The following SGCD variants were observed in gnomAD, a reference collection of about 807,000 sequenced individuals.
SGCD encodes the protein sarcoglycan delta, also known as delta-sarcoglycan.
A neutral mutation model predicts 36.6 loss-of-function variants in SGCD; 18 were observed. That is an observed-to-expected ratio of 0.49 (90% CI 0.34 to 0.73). The LOEUF is 0.73. Ranked by LOEUF, SGCD falls within the 30% of genes least tolerant of loss-of-function variation. SGCD has a pLI of 0.01. For missense variants in SGCD, 387 were observed against 346.7 expected (o/e 1.12, Z -0.92); for synonymous variants, 133 against 130.6 (o/e 1.02, Z -0.12).
At chr5:156,372,710 C>G (rs73812209) in intron 3 of SGCD, among the ~76,000 whole-genome samples, 3,865 of 152,290 alleles carry the variant, frequency 0.025, 158 homozygotes, top group African/African-American at 0.088. Flanking sequence ...GAACAGTGGA[C>G]ATAGCTTTGC....
At chr5:156,507,020 G>A (rs1347300118) in intron 3 of SGCD, among the ~76,000 whole-genome samples, 1 of 152,158 alleles carries the variant, frequency 6.6e-6, no homozygotes. Context: ...ATTGTTATGT[G>A]CCTACTGATA....
intron 1 of SGCD, among the ~76,000 whole-genome samples, chr5:155,988,550 T>C (rs1554109658): frequency 2.0e-5 from 3 of 152,202 alleles, no homozygotes; most frequent in Non-Finnish European, 4.4e-5. Flanking sequence ...CAGTGTATGC[T>C]ATTCTTCTTA....
chr5:156,055,611 A>G (rs566770286), intron 1 of SGCD, among the ~76,000 whole-genome samples: 4 of 146,474 alleles, frequency 2.7e-5, no homozygotes, highest in Non-Finnish European at 6.2e-5. Flanking sequence ...AAGAAAGGAG[A>G]TTTCAAGGGA....
intron 1 of SGCD, among the ~76,000 whole-genome samples, chr5:155,873,871 G>A (rs1755709357): frequency 2.6e-5 from 4 of 152,232 alleles, no homozygotes; most frequent in South Asian, 4.1e-4. Context: ...TTAGTCTTCA[G>A]TTTTAAATAC....
At chr5:156,223,244 G>T (rs1182833690) in intron 3 of SGCD, among the ~76,000 whole-genome samples, 3 of 152,060 alleles carry the variant, frequency 2.0e-5, no homozygotes, top group Admixed American at 1.3e-4. Flanking sequence ...ACACAAGATT[G>T]TGGAAACTCA....
intron 7 of SGCD, among the ~76,000 whole-genome samples, chr5:156,693,546 G>C (rs1754195063): frequency 6.6e-6 from 1 of 151,992 alleles, no homozygotes; most frequent in Non-Finnish European, 1.5e-5. Context: ...GGAATATTAG[G>C]GTGCAGATAC....
At chr5:156,246,341 A>G (rs1581192884) in intron 3 of SGCD, among the ~76,000 whole-genome samples, 1 of 152,188 alleles carries the variant, frequency 6.6e-6, no homozygotes, top group African/African-American at 2.4e-5. Flanking sequence ...GTGGCAGGAG[A>G]CTGATGTGTA....
chr5:156,618,951 T>A (rs550975401), intron 6 of SGCD, among the ~76,000 whole-genome samples: 2 of 152,176 alleles, frequency 1.3e-5, no homozygotes, highest in African/African-American at 2.4e-5. Flanking sequence ...GTTGGGGATG[T>A]TTGTCAGCTT....
chr5:155,918,042 T>A (rs1274449880), intron 1 of SGCD, among the ~76,000 whole-genome samples: 1 of 152,172 alleles, frequency 6.6e-6, no homozygotes, highest in Non-Finnish European at 1.5e-5. Context: ...CTGCCATGCC[T>A]CGGGAAATTT....
chr5:156,530,813 C>T (rs996629328), intron 4 of SGCD, among the ~76,000 whole-genome samples: 2 of 151,830 alleles, frequency 1.3e-5, no homozygotes, highest in Middle Eastern at 3.2e-3. Context: ...CTCCTGACCT[C>T]GTGATCCACC....
In SGCD at chr5:156,504,414, A is replaced by C. The variant is rs919591698; in HGVS notation, c.193-4187A>C. ...TGTGTATATATATATATATATATAT[A>C]TATATATATATGTCAATGTGTATAT... On this transcript the variant is annotated intron_variant, in intron 3 of 8. Coordinates refer to ENST00000337851, the MANE Select transcript of SGCD (RefSeq NM_000337.6). 2.3e-5 allele frequency among the ~76,000 whole-genome samples: 3 copies of C among 129,546 alleles called. No individual in the cohort carries two copies. In the East Asian group the frequency reaches 7.5e-4, roughly 33 times the overall value. The allele number at this position is 129,546 out of a possible 152,430, so 85.0% of individuals were successfully genotyped here.
intron 4 of SGCD, among the ~76,000 whole-genome samples, chr5:156,562,012 C>G (rs1032850342): frequency 7.9e-5 from 12 of 152,230 alleles, no homozygotes; most frequent in East Asian, 7.7e-4. Context: ...AATAAATAAA[C>G]AAATGACTCT....
chr5:156,564,148 CTTAA>C (rs1759381164), intron 4 of SGCD, among the ~76,000 whole-genome samples: 2 of 152,256 alleles, frequency 1.3e-5, no homozygotes, highest in African/African-American at 4.8e-5. Context: ...CCATAAATTT[CTTAA>C]AAATTTTTAA....
intron 3 of SGCD, among the ~76,000 whole-genome samples, chr5:156,490,930 T>C (rs1301843631): frequency 2.6e-5 from 4 of 152,104 alleles, no homozygotes; most frequent in East Asian, 1.9e-4. Flanking sequence ...CCTTTTCACA[T>C]AGAATGATCT....
chr5:155,953,867 C>G (rs754847217), intron 1 of SGCD, among the ~76,000 whole-genome samples: 1 of 152,112 alleles, frequency 6.6e-6, no homozygotes, highest in Non-Finnish European at 1.5e-5. Context: ...CCAATTTATC[C>G]TAAAGTTTAA....
intron 7 of SGCD, among the ~76,000 whole-genome samples, chr5:156,725,296 G>A (rs1755717647): frequency 1.3e-5 from 2 of 152,194 alleles, no homozygotes; most frequent in Non-Finnish European, 2.9e-5. Context: ...AAATGCTGTA[G>A]AGAGCCATTT....
chr5:156,029,031 TG>T (rs1255094871), intron 1 of SGCD, among the ~76,000 whole-genome samples: 2 of 147,862 alleles, frequency 1.4e-5, no homozygotes, highest in African/African-American at 2.4e-5. Flanking sequence ...TAGGCTTTTA[TG>T]TTTTTTTTTA....
chr5:156,608,055 C>A (rs1761571772), intron 6 of SGCD, among the ~76,000 whole-genome samples: 1 of 152,178 alleles, frequency 6.6e-6, no homozygotes, highest in Non-Finnish European at 1.5e-5. Flanking sequence ...CAGTTCTGCT[C>A]TGATCTTAGT....
intron 4 of SGCD, among the ~76,000 whole-genome samples, chr5:156,585,818 C>T (rs1760469425): frequency 6.6e-6 from 1 of 152,104 alleles, no homozygotes; most frequent in Admixed American, 6.6e-5. Context: ...TTCTGAAACT[C>T]AAGATCTTAG....
Sources: allele counts gnomAD v4.1 joint callset (sites outside exome capture counted in the v4.1 genomes callset), GRCh38; gene constraint gnomAD v4.1.1; transcripts MANE v1.5; gene names NCBI Gene and HGNC (gene_info 2026-07-23, HGNC 2026-07-21).